The following FES variants were observed in gnomAD, a reference collection of about 807,000 sequenced individuals.
The protein encoded by FES is FES proto-oncogene, tyrosine kinase.
FES carries 83 observed loss-of-function variants against 109.6 expected under a neutral mutation model. That is an observed-to-expected ratio of 0.76 (90% CI 0.63 to 0.91). The LOEUF is 0.91. Ranked by LOEUF, FES falls within the 40% of genes least tolerant of loss-of-function variation. FES has a pLI of 0.00. For synonymous variants in FES, 458 were observed against 442.1 expected (o/e 1.04, Z -0.45); for missense variants, 943 against 1,070.9 (o/e 0.88, Z 1.67).
intron 12 of FES, 27 bp from the exon 13 acceptor site, chr15:90,892,031 T>C: frequency 6.2e-7 from 1 of 1,614,044 alleles, no homozygotes; most frequent in South Asian, 1.1e-5. Context: ...TTCAGACTTC[T>C]GATCCCCTGT....
chr15:90,891,430 T>A lies in FES; in HGVS notation c.1531-124T>A, dbSNP rs552979561. On this transcript the variant is annotated intron_variant, in intron 11 of 18. Coordinates refer to ENST00000328850, the MANE Select transcript of FES (RefSeq NM_002005.4). The stretch of plus-strand genomic sequence containing the variant: ...ATGTGCCATCAGATGGCATCTTTTC[T>A]GGAGGTCTCTCTGCCCCTGGTCCTG... 16 of 1,347,446 alleles carry A rather than the reference T, an allele frequency of 1.2e-5. No homozygotes were observed. In the South Asian group the frequency reaches 1.9e-4, roughly 16 times the overall value. 83.5% of individuals were successfully genotyped at this position (1,347,446 alleles called of 1,614,324 possible). A position where few individuals can be genotyped will look rare whatever the true frequency, so the allele number is the denominator to read the frequency against.
intron 3 of FES, 99 bp from the exon 4 acceptor site, chr15:90,886,862 C>T (rs1567093126): frequency 2.7e-6 from 3 of 1,109,378 alleles, no homozygotes; most frequent in Admixed American, 2.0e-5. Flanking sequence ...CCAGGTGCTC[C>T]TTGCCTGACG....
Position 90,893,780 on chromosome 15 carries a change from G to A in FES, c.2172G>A (p.Val724=), listed in dbSNP as rs2033458093. ...CAGGGGGCCTCAGACAAGTCCCCGT[G>A]AAGTGGACCGCACCTGAGGCCCTTA... ...AASGGLRQVP[V]KWTAPEALNY... The change falls in exon 17 of 19, where the codon GTG becomes GTA. Residue 724 remains valine, a synonymous_variant. Coordinates refer to ENST00000328850, the MANE Select transcript of FES (RefSeq NM_002005.4). 3.1e-6 allele frequency: 5 copies of A among 1,603,588 alleles called. No homozygotes were observed. The highest frequency in any genetic ancestry group is 3.4e-5 in the Admixed American group (2 of 58,980).
Position 90,892,412 on chromosome 15 carries a change from T to C in FES, c.1708-295T>C, listed in dbSNP as rs528151337. 2.8e-4 allele frequency: 162 copies of C among 581,346 alleles called. 2 individuals carry two copies. The South Asian group carries it at 3.3e-3, about 12-fold the overall frequency. The allele number at this position is 581,346 out of a possible 1,614,324, so 36.0% of individuals were successfully genotyped here. Reference sequence around the variant, plus strand: ...GTTACTGTAAGCCATAAGATACCTGTTTAGGGAAGAAGTCACTGTCCTAAA... The same window carrying C: ...GTTACTGTAAGCCATAAGATACCTGCTTAGGGAAGAAGTCACTGTCCTAAA... On this transcript the variant is annotated intron_variant, in intron 13 of 18. Coordinates refer to ENST00000328850, the MANE Select transcript of FES (RefSeq NM_002005.4).
chr15:90,892,227 C>A (rs1430765902), intron 13 of FES, 116 bp downstream of exon 13: 2 of 1,141,898 alleles, frequency 1.8e-6, no homozygotes, highest in Non-Finnish European at 2.6e-6. Context: ...CACTTGTACC[C>A]CGACTCCCTG....
chr15:90,890,509 C>A (rs1404713597), intron 10 of FES, 25 bp downstream of exon 10: 2 of 1,601,340 alleles, frequency 1.2e-6, no homozygotes, highest in Non-Finnish European at 1.7e-6. Flanking sequence ...GCCTGGGCCC[C>A]CCTACTGTTG....
At chr15:90,895,389 C>A (rs1182236721) in intron 18 of FES, 27 bp from the exon 19 acceptor site, 2 of 1,493,234 alleles carry the variant, frequency 1.3e-6, no homozygotes, top group East Asian at 2.5e-5. Context: ...CCTCCTCATG[C>A]CTGGTGTGCT....
chr15:90,890,224 C>T lies in FES; in HGVS notation c.1182C>T (p.Gly394=), dbSNP rs751187806. 3.7e-5 allele frequency: 59 copies of T among 1,599,300 alleles called. No individual in the cohort carries two copies. The highest frequency in any genetic ancestry group is 5.3e-5 in the African/African-American group (4 of 74,792). Reference sequence around the variant, plus strand: ...CCAAGCTGGAGCACCTGGGCCCCGGCGAGCCCCCGCCTGTGCTGCTCCTGC... The same window carrying T: ...CCAAGCTGGAGCACCTGGGCCCCGGTGAGCCCCCGCCTGTGCTGCTCCTGC... ...LQTKLEHLGP[G]EPPPVLLLQD... is the part of the protein sequence containing the mutation. The change falls in exon 9 of 19, where the codon GGC becomes GGT. Residue 394 remains glycine, a synonymous_variant. Coordinates refer to ENST00000328850, the MANE Select transcript of FES (RefSeq NM_002005.4).
chr15:90,894,152 C>G (rs1436096316), intron 18 of FES, 94 bp downstream of exon 18: 1 of 1,437,274 alleles, frequency 7.0e-7, no homozygotes, highest in African/African-American at 1.4e-5. Context: ...AACCTTCCCA[C>G]CAGGCAGAAT....
In FES at chr15:90,893,759, G is replaced by T; in HGVS notation, c.2151G>T (p.Gly717=). 1 of 1,609,194 alleles carries T rather than the reference G, an allele frequency of 6.2e-7. No individual in the cohort carries two copies. Among genetic ancestry groups the T allele is most frequent in the South Asian group, 1.1e-5 (1 of 90,728 alleles). The part of the protein sequence containing the change: ...EEADGVYAAS[G]GLRQVPVKWT... ...CCGATGGGGTCTATGCAGCCTCAGG[G>T]GGCCTCAGACAAGTCCCCGTGAAGT... The change falls in exon 17 of 19, where the codon GGG becomes GGT. Residue 717 remains glycine (G), a synonymous_variant. Coordinates refer to ENST00000328850, the MANE Select transcript of FES (RefSeq NM_002005.4).
chr15:90,892,320 C>T, intron 13 of FES: 1 of 622,994 alleles, frequency 1.6e-6, no homozygotes, highest in Non-Finnish European at 2.8e-6. Flanking sequence ...CTGCCAGCAC[C>T]CTGACCTCAT....
Position 90,889,748 on chromosome 15 carries a change from G to A in FES, c.927-92G>A. 6.2e-7 allele frequency: 1 copy of A among 1,602,860 alleles called. No individual in the cohort carries two copies. Among genetic ancestry groups the A allele is most frequent in the Admixed American group, 1.7e-5 (1 of 59,802 alleles). On this transcript the variant is annotated intron_variant, in intron 7 of 18. Transcript: ENST00000328850. The surrounding 1 kb of genome is among the most constrained non-coding windows in gnomAD (Gnocchi z 6.1). ...GTCCACACAGAGCTGTCACCAGGTG[G>A]CCGGGCTTGCTTGGCTCTACAGGGA...
In FES at chr15:90,893,138, T is replaced by G. The variant is rs2033385419; in HGVS notation, c.1865T>G (p.Leu622Arg). 1 of 1,613,850 alleles carries G rather than the reference T, an allele frequency of 6.2e-7. No individual in the cohort carries two copies. The highest frequency in any genetic ancestry group is 8.5e-7 in the Non-Finnish European group (1 of 1,179,972). Reference sequence around the variant, plus strand: ...TACAGCCACCCCAACATCGTGCGTCTCATTGGTGTCTGCACCCAGAAGCAG... The same window carrying G: ...TACAGCCACCCCAACATCGTGCGTCGCATTGGTGTCTGCACCCAGAAGCAG... ...KQYSHPNIVR[L>R]IGVCTQKQPI... The change falls in exon 15 of 19, where the codon CTC becomes CGC. Residue 622 changes from leucine (L) to arginine (R), a missense_variant. Leu to Arg is a moderately radical substitution (Grantham distance 102). Transcript: ENST00000328850.
At position 90,894,172 on chromosome 15, in the gene FES, C is replaced by T; in HGVS notation, c.2326+114C>T. 6 of 1,291,926 alleles carry T rather than the reference C, an allele frequency of 4.6e-6. No individual in the cohort carries two copies. In the East Asian group the frequency reaches 1.2e-4, roughly 25 times the overall value. The allele number at this position is 1,291,926 out of a possible 1,614,324, so 80.0% of individuals were successfully genotyped here. A position where few individuals can be genotyped will look rare whatever the true frequency, so the allele number is the denominator to read the frequency against. On this transcript the variant is annotated intron_variant, in intron 18 of 18. Coordinates refer to ENST00000328850, the MANE Select transcript of FES (RefSeq NM_002005.4). ...TCCCACCAGGCAGAATAAGAATAAC[C>T]TGGCCAGTTGCTCACGCCTGTCATC...
Position 90,890,218 on chromosome 15 carries a change from C to T in FES, c.1176C>T (p.Gly392=), listed in dbSNP as rs944143568. 6 of 1,600,226 alleles carry T rather than the reference C, an allele frequency of 3.7e-6. No individual in the cohort carries two copies. The South Asian group carries it at 4.4e-5, about 12-fold the overall frequency. ...TGCAGACCAAGCTGGAGCACCTGGGCCCCGGCGAGCCCCCGCCTGTGCTGC... is the reference window on the plus strand; with the variant it reads ...TGCAGACCAAGCTGGAGCACCTGGGTCCCGGCGAGCCCCCGCCTGTGCTGC... ...ELLQTKLEHL[G]PGEPPPVLLL... is the part of the protein sequence containing the mutation. Residue 392 remains glycine, a synonymous_variant, in exon 9 of 19, where the codon GGC becomes GGT. Transcript: ENST00000328850.
chr15:90,886,940 T>C, intron 3 of FES, 21 bp from the exon 4 acceptor site: 1 of 1,612,052 alleles, frequency 6.2e-7, no homozygotes, highest in Non-Finnish European at 8.5e-7. Flanking sequence ...TGCCCCACAC[T>C]GGCCTCTCCT....
intron 4 of FES, 56 bp from the exon 5 acceptor site, chr15:90,887,131 G>A: frequency 1.2e-6 from 2 of 1,612,146 alleles, no homozygotes; most frequent in Admixed American, 1.7e-5. Flanking sequence ...CCCAGAGAGT[G>A]GGGGCTGCCT....
chr15:90,885,387 T>C (rs749834589), intron 2 of FES, 25 bp from the exon 3 acceptor site: 23 of 1,600,928 alleles, frequency 1.4e-5, no homozygotes, highest in Non-Finnish European at 2.0e-5. Context: ...CCCCCCTCCC[T>C]GCCTCCCCCA....
Position 90,886,215 on chromosome 15 carries a change from C to T in FES, c.387+630C>T, listed in dbSNP as rs561856963. Among the ~76,000 whole-genome samples the T allele has an allele frequency of 4.6e-5, 7 of 152,356 alleles. No homozygotes were observed. The South Asian group carries it at 1.0e-3, about 23-fold the overall frequency. ...CCCTGGTGGCCACCCTGGCCCCATTCCTCGCCCCAAAAGATCATCTGATTC... is the reference window on the plus strand; with the variant it reads ...CCCTGGTGGCCACCCTGGCCCCATTTCTCGCCCCAAAAGATCATCTGATTC... On this transcript the variant is annotated intron_variant, in intron 3 of 18. Coordinates refer to ENST00000328850, the MANE Select transcript of FES (RefSeq NM_002005.4).
Sources: allele counts gnomAD v4.1 joint callset (sites outside exome capture counted in the v4.1 genomes callset), GRCh38; gene constraint gnomAD v4.1.1; non-coding constraint Gnocchi (gnomAD v3.1); transcripts MANE v1.5; gene names NCBI Gene and HGNC (gene_info 2026-07-23, HGNC 2026-07-21).